Variants in ZNF610 observed in about 807,000 individuals in gnomAD.
ZNF610 encodes the protein zink finger protein.
A neutral mutation model predicts 14.1 loss-of-function variants in ZNF610; 14 were observed. The observed-to-expected ratio is 0.99, with a 90% confidence interval of 0.65 to 1.55. The LOEUF is 1.55. Ranked by LOEUF, ZNF610 falls within the 40% of genes most tolerant of loss-of-function variation. The pLI is 0.00. For missense variants in ZNF610, 530 were observed against 558.0 expected (o/e 0.95, Z 0.51); for synonymous variants, 185 against 187.6 (o/e 0.99, Z 0.11).
Position 52,366,883 on chromosome 19 carries a change from T to C in ZNF610, c.*116T>C, listed in dbSNP as rs1986125949. Reference sequence around the variant, plus strand: ...GAATTTAGTTTGCATTGAAGCCTCATCACTCATCTCTTGATCCACACTGAA... The same window carrying C: ...GAATTTAGTTTGCATTGAAGCCTCACCACTCATCTCTTGATCCACACTGAA... On this transcript the variant is annotated 3_prime_UTR_variant, in exon 6 of 6. Transcript: ENST00000403906. 3 of 737,772 alleles carry C rather than the reference T, an allele frequency of 4.1e-6. No individual in the cohort carries two copies. Among genetic ancestry groups the C allele is most frequent in the African/African-American group, 1.8e-5 (1 of 56,400 alleles). The allele number at this position is 737,772 out of a possible 1,614,324, so 45.7% of individuals were successfully genotyped here.
intron 3 of ZNF610, among the ~76,000 whole-genome samples, chr19:52,351,435 G>A (rs1985244428): frequency 6.6e-6 from 1 of 151,238 alleles, no homozygotes; most frequent in African/African-American, 2.4e-5. Flanking sequence ...CAGCCTGGGC[G>A]ACACAGCGAG....
At chr19:52,343,511 G>T (rs550997523) in intron 1 of ZNF610, among the ~76,000 whole-genome samples, 1 of 152,028 alleles carries the variant, frequency 6.6e-6, no homozygotes, top group Non-Finnish European at 1.5e-5. Context: ...AGGTTGCAGC[G>T]AGCCGATATC....
chr19:52,354,435 G>C, intron 5 of ZNF610, 56 bp downstream of exon 5: 1 of 1,576,942 alleles, frequency 6.3e-7, no homozygotes, highest in African/African-American at 1.4e-5. Flanking sequence ...TTATTTTTGA[G>C]CCAGGGTGTT....
intron 5 of ZNF610, among the ~76,000 whole-genome samples, chr19:52,363,344 T>C (rs984254230): frequency 6.6e-6 from 1 of 152,150 alleles, no homozygotes; most frequent in Admixed American, 6.5e-5. Flanking sequence ...TTGGCCAGGC[T>C]GGTATCAAAC....
At chr19:52,349,469 G>A (rs1985139387) in intron 3 of ZNF610, among the ~76,000 whole-genome samples, 1 of 152,082 alleles carries the variant, frequency 6.6e-6, no homozygotes, top group Admixed American at 6.6e-5. Flanking sequence ...GGGTCCCGTG[G>A]TGTCAGTGGT....
At position 52,349,163 on chromosome 19, in the gene ZNF610, A is replaced by G; in HGVS notation, c.-10A>G. Reference sequence around the variant, plus strand: ...TATTTTTGACATTTAGGATTGACTTATAAACAGTCATGCTATGTGATGAAG... The same window carrying G: ...TATTTTTGACATTTAGGATTGACTTGTAAACAGTCATGCTATGTGATGAAG... On this transcript the variant is annotated 5_prime_UTR_variant, in exon 3 of 6. Coordinates refer to ENST00000403906, the MANE Select transcript of ZNF610 (RefSeq NM_001161425.2). 1 of 1,612,732 alleles carries G rather than the reference A, an allele frequency of 6.2e-7. No individual in the cohort carries two copies. The highest frequency in any genetic ancestry group is 8.5e-7 in the Non-Finnish European group (1 of 1,179,202).
intron 1 of ZNF610, among the ~76,000 whole-genome samples, chr19:52,343,867 G>A (rs562874632): frequency 2.6e-5 from 4 of 152,200 alleles, no homozygotes; most frequent in African/African-American, 7.2e-5. Context: ...AGAGTGTGTC[G>A]CAGCCTCTGG....
intron 5 of ZNF610, among the ~76,000 whole-genome samples, chr19:52,363,654 G>A (rs1985891597): frequency 6.6e-6 from 1 of 152,060 alleles, no homozygotes; most frequent in Admixed American, 6.6e-5. Context: ...GTAAACGTCT[G>A]TTCTCTTTGA....
rs2122207420 is a variant in ZNF610, at chr19:52,347,738, G to T, written c.-226G>T. 1 of 152,220 alleles carries T rather than the reference G, an allele frequency of 6.6e-6. No homozygotes were observed. Among genetic ancestry groups the T allele is most frequent in the Middle Eastern group, 3.4e-3 (1 of 294 alleles). 9.4% of individuals were successfully genotyped at this position (152,220 alleles called of 1,614,324 possible). The stretch of plus-strand genomic sequence containing the variant: ...GAGTGTTGCCATGTTGTCCAAACTG[G>T]TCTCGAAATTCTGGAGTCAAGCAGT... On this transcript the variant is annotated 5_prime_UTR_variant, in exon 2 of 6. Coordinates refer to ENST00000403906, the MANE Select transcript of ZNF610 (RefSeq NM_001161425.2).
chr19:52,332,727 A>G (rs1390584013), upstream of ZNF610, among the ~76,000 whole-genome samples: 1 of 152,216 alleles, frequency 6.6e-6, no homozygotes, highest in Admixed American at 6.5e-5. The surrounding 1 kb of genome is among the most constrained non-coding windows in gnomAD (Gnocchi z 4.1). Flanking sequence ...CCTGATCCAT[A>G]TAATCCACAG....
At chr19:52,365,672 A>T in intron 5 of ZNF610, 26 bp from the exon 6 acceptor site, 1 of 1,566,126 alleles carries the variant, frequency 6.4e-7, no homozygotes, top group Non-Finnish European at 8.6e-7. Context: ...TCATGGGTTC[A>T]TGTTCTACTC....
chr19:52,344,389 GTGTGTT>G (rs1984837311), intron 1 of ZNF610, among the ~76,000 whole-genome samples: 1 of 152,030 alleles, frequency 6.6e-6, no homozygotes, highest in Non-Finnish European at 1.5e-5. Context: ...TTGAAGCTGT[GTGTGTT>G]TCTTTCTTTC....
intron 1 of ZNF610, among the ~76,000 whole-genome samples, chr19:52,340,837 C>T (rs184987745): frequency 8.7e-4 from 132 of 151,958 alleles, no homozygotes; most frequent in African/African-American, 3.0e-3. Flanking sequence ...CACGCCACCA[C>T]GCCTGGCTAA....
At position 52,366,149 on chromosome 19, in the gene ZNF610, G is replaced by T. The variant is rs1191426292; in HGVS notation, c.771G>T (p.Gln257His). ...LVEHWRIHTG[Q>H]KPYKCSECDK... ...AACATTGGAGAATTCATACTGGACA[G>T]AAGCCTTACAAATGTAGTGAATGTG... The change falls in exon 6 of 6, where the codon CAG (glutamine) becomes CAT (histidine). Residue 257 changes from glutamine to histidine, a missense_variant. Transcript: ENST00000403906. 1 of 1,613,754 alleles carries T rather than the reference G, an allele frequency of 6.2e-7. No individual in the cohort carries two copies. Among genetic ancestry groups the T allele is most frequent in the Non-Finnish European group, 8.5e-7 (1 of 1,179,738 alleles).
intron 1 of ZNF610, among the ~76,000 whole-genome samples, chr19:52,344,762 G>A (rs1033667317): frequency 1.1e-4 from 17 of 152,116 alleles, no homozygotes; most frequent in East Asian, 1.9e-4. Flanking sequence ...TTGCCATTCC[G>A]AGTAGTGTGC....
intron 1 of ZNF610, among the ~76,000 whole-genome samples, chr19:52,341,108 T>C (rs1229552889): frequency 6.6e-6 from 1 of 152,126 alleles, no homozygotes; most frequent in Non-Finnish European, 1.5e-5. Context: ...ATACTGTATT[T>C]ACTACATTTC....
chr19:52,349,272 T>G (rs759839771), intron 3 of ZNF610, 37 bp downstream of exon 3: 1 of 1,592,642 alleles, frequency 6.3e-7, no homozygotes, highest in Admixed American at 1.7e-5. Flanking sequence ...TCTCTCTGTT[T>G]CTTTCTGAAA....
chr19:52,350,506 T>C (rs889752711), intron 3 of ZNF610, among the ~76,000 whole-genome samples: 1 of 151,930 alleles, frequency 6.6e-6, no homozygotes, highest in African/African-American at 2.4e-5. Flanking sequence ...AGTGAAACCC[T>C]GTCTCTACTG....
upstream of ZNF610, among the ~76,000 whole-genome samples, chr19:52,334,560 C>A (rs181224224): frequency 1.3e-5 from 2 of 152,002 alleles, no homozygotes; most frequent in African/African-American, 4.8e-5. Context: ...TGAATATTGA[C>A]TGGAAACACA....
Sources: allele counts gnomAD v4.1 joint callset (sites outside exome capture counted in the v4.1 genomes callset), GRCh38; gene constraint gnomAD v4.1.1; non-coding constraint Gnocchi (gnomAD v3.1); transcripts MANE v1.5; gene names NCBI Gene and HGNC (gene_info 2026-07-23, HGNC 2026-07-21).